SLC45A2: variants seen among roughly 807,000 people sequenced by gnomAD.
SLC45A2 encodes solute carrier family 45 member 2.
SLC45A2 carries 36 observed loss-of-function variants against 45.5 expected under a neutral mutation model. That is an observed-to-expected ratio of 0.79 (90% CI 0.61 to 1.04). The LOEUF is 1.04. SLC45A2 is among the 50% of genes least tolerant of loss of function. The pLI is 0.00. For synonymous variants in SLC45A2, 306 were observed against 269.3 expected (o/e 1.14, Z -1.33); for missense variants, 719 against 671.0 (o/e 1.07, Z -0.79).
chr5:33,969,444 AC>A (rs1752718274), intron 2 of SLC45A2, among the ~76,000 whole-genome samples: 1 of 152,038 alleles, frequency 6.6e-6, no homozygotes, highest in African/African-American at 2.4e-5. Flanking sequence ...GTTTCCATCC[AC>A]CTACCTCTAA....
chr5:33,983,935 AAATTT>A (rs1331852606), intron 1 of SLC45A2, among the ~76,000 whole-genome samples: 2 of 152,236 alleles, frequency 1.3e-5, no homozygotes, highest in Non-Finnish European at 2.9e-5. Flanking sequence ...AAATAGATAC[AAATTT>A]AATAAAATAG....
chr5:33,954,581 C>G, intron 3 of SLC45A2, 77 bp from the exon 4 acceptor site: 1 of 1,589,678 alleles, frequency 6.3e-7, no homozygotes, highest in African/African-American at 1.3e-5. Context: ...AACACACAGA[C>G]ATGTTATGTA....
rs995280124 is a variant in SLC45A2, at chr5:33,946,501, G to A, written c.1368+662C>T. ...TTGCAAATTTTGATAAGAAGAGGTGGTAATTTTAGAGTGGAAACACCAACT... is the reference window on the plus strand; with the variant it reads ...TTGCAAATTTTGATAAGAAGAGGTGATAATTTTAGAGTGGAAACACCAACT... On this transcript the variant is annotated intron_variant, in intron 6 of 6. Coordinates refer to ENST00000296589, the MANE Select transcript of SLC45A2 (RefSeq NM_016180.5). 7 of 985,600 alleles carry A rather than the reference G, an allele frequency of 7.1e-6. No homozygotes were observed. In the South Asian group the frequency reaches 3.3e-4, roughly 46 times the overall value. The allele number at this position is 985,600 out of a possible 1,614,324, so 61.1% of individuals were successfully genotyped here.
At chr5:33,977,205 C>T (rs1258628757) in intron 2 of SLC45A2, among the ~76,000 whole-genome samples, 1 of 152,178 alleles carries the variant, frequency 6.6e-6, no homozygotes, top group Admixed American at 6.5e-5. Context: ...AGAAACCAAC[C>T]CTGACAGCTT....
At chr5:33,983,306 A>G (rs1753135652) in intron 1 of SLC45A2, among the ~76,000 whole-genome samples, 1 of 152,240 alleles carries the variant, frequency 6.6e-6, no homozygotes, top group African/African-American at 2.4e-5. Flanking sequence ...TTTTAAACTT[A>G]AGAATAGCAT....
Position 33,984,682 on chromosome 5 carries a change from A to T in SLC45A2, c.-99T>A. 1.3e-6 allele frequency: 2 copies of T among 1,528,198 alleles called. No homozygotes were observed. The highest frequency in any genetic ancestry group is 1.8e-6 in the Non-Finnish European group (2 of 1,119,758). 94.7% of individuals were successfully genotyped at this position (1,528,198 alleles called of 1,614,324 possible). On this transcript the variant is annotated 5_prime_UTR_variant, in exon 1 of 7. The change creates a new upstream start codon in the 5' untranslated region. Transcript: ENST00000296589. ...ATTTGACGTGGAGCCTGGCCGAGCA[A>T]CCAACAGAGATGGTCAGGCTGGGGG...
At chr5:33,972,727 T>G (rs576736448) in intron 2 of SLC45A2, 1 of 152,444 alleles carries the variant, frequency 6.6e-6, no homozygotes, top group Admixed American at 6.5e-5. Context: ...TAAAAGTGTA[T>G]GAATAAAAAT....
chr5:33,954,691 G>A (rs1752225094), intron 3 of SLC45A2, among the ~76,000 whole-genome samples, 187 bp from the exon 4 acceptor site: 1 of 152,184 alleles, frequency 6.6e-6, no homozygotes, highest in Non-Finnish European at 1.5e-5. Context: ...AGCACGAGTG[G>A]CTGCTTGGCA....
At chr5:33,951,954 G>C (rs969669470) in intron 4 of SLC45A2, among the ~76,000 whole-genome samples, 1 of 151,972 alleles carries the variant, frequency 6.6e-6, no homozygotes, top group Non-Finnish European at 1.5e-5. Flanking sequence ...ACCTGACTTA[G>C]GAAATCCCAC....
At position 33,982,255 on chromosome 5, in the gene SLC45A2, GT is replaced by G; in HGVS notation, c.542del (p.His181ProfsTer20). On this transcript the variant is annotated frameshift_variant, in exon 2 of 7. Coordinates refer to ENST00000296589, the MANE Select transcript of SLC45A2 (RefSeq NM_016180.5). LOFTEE classifies it high-confidence loss of function. ...CCCTACCTGTGAAGAGGGCATGGTA[GT>G]GGAGGCCCTTCTCCTTGTCCTGATG... ...CSHQDKEKGL[H>X]YHALFTGFGG... is the part of the protein sequence containing the mutation. The G allele has an allele frequency of 6.2e-7, 1 of 1,614,082 alleles. No homozygotes were observed. Among genetic ancestry groups the G allele is most frequent in the Non-Finnish European group, 8.5e-7 (1 of 1,179,950 alleles).
chr5:33,965,219 A>G (rs1311719756), intron 2 of SLC45A2, among the ~76,000 whole-genome samples: 1 of 152,178 alleles, frequency 6.6e-6, no homozygotes, highest in African/African-American at 2.4e-5. Flanking sequence ...CAAGCTAGAG[A>G]ATCAAGGAAG....
At chr5:33,969,285 A>G (rs1047669798) in intron 2 of SLC45A2, among the ~76,000 whole-genome samples, 12 of 151,616 alleles carry the variant, frequency 7.9e-5, no homozygotes, top group African/African-American at 2.9e-4. Context: ...GAAAAAAAAA[A>G]TTTTAAATTA....
chr5:33,953,439 T>C (rs1474513043), intron 4 of SLC45A2, among the ~76,000 whole-genome samples: 4 of 151,486 alleles, frequency 2.6e-5, no homozygotes, highest in African/African-American at 7.3e-5. Context: ...ATTTCTCTGA[T>C]GGCCAGTGAT....
At position 33,944,657 on chromosome 5, in the gene SLC45A2, A is replaced by G. The variant is rs1751868442; in HGVS notation, c.1584T>C (p.Tyr528=). ...TTGTCTCTTTATTGACCTAATCCAC[A>G]TATCTAACAAAGAGAGCGACAAAGC... The part of the protein sequence containing the change: ...GCCFVALFVR[Y]VD The change falls in exon 7 of 7, where the codon TAT becomes TAC. Residue 528 remains tyrosine (Y), a synonymous_variant. Coordinates refer to ENST00000296589, the MANE Select transcript of SLC45A2 (RefSeq NM_016180.5). 2 of 1,614,102 alleles carry G rather than the reference A, an allele frequency of 1.2e-6. No individual in the cohort carries two copies. Among genetic ancestry groups the G allele is most frequent in the East Asian group, 4.5e-5 (2 of 44,882 alleles).
rs1350569256 is a variant in SLC45A2 at position 33,951,674 on chromosome 5, C to A, written c.1036G>T (p.Val346Leu). 13 of 1,614,080 alleles carry A rather than the reference C, an allele frequency of 8.1e-6. No individual in the cohort carries two copies. The highest frequency in any genetic ancestry group is 1.1e-5 in the Non-Finnish European group (13 of 1,180,038). ...LFFTDFMGQI[V>L]YRGDPYSAHN... ...GCACTATAGGGATCCCCGCGGTACA[C>A]AATCTGAAAGAGAGATTGGAGGCTG... Residue 346 changes from valine (V) to leucine (L), a missense_variant, in exon 5 of 7, where the codon GTG becomes TTG. Val to Leu is a conservative substitution (Grantham distance 32, BLOSUM62 1). Transcript: ENST00000296589.
intron 6 of SLC45A2, chr5:33,946,356 T>C (rs1392105704): frequency 1.0e-6 from 1 of 985,290 alleles, no homozygotes; most frequent in Non-Finnish European, 1.2e-6. Context: ...AGTCTGATGG[T>C]TATATGTTCA....
chr5:33,984,087 G>A (rs1172129947), intron 1 of SLC45A2, 112 bp downstream of exon 1: 1 of 1,486,620 alleles, frequency 6.7e-7, no homozygotes, highest in African/African-American at 1.4e-5. Flanking sequence ...ACCTAGGAGA[G>A]ATCAATTCTA....
chr5:33,982,889 C>T (rs1278714275), intron 1 of SLC45A2, among the ~76,000 whole-genome samples: 1 of 152,194 alleles, frequency 6.6e-6, no homozygotes, highest in Non-Finnish European at 1.5e-5. Context: ...AATCCCAGCC[C>T]CAGCAAAGGT....
At chr5:33,977,925 G>A (rs1035768115) in intron 2 of SLC45A2, among the ~76,000 whole-genome samples, 7 of 152,148 alleles carry the variant, frequency 4.6e-5, no homozygotes, top group African/African-American at 9.7e-5. Flanking sequence ...TCCTGATCAC[G>A]GCTGGCTTTT....
Sources: gnomAD v4.1 joint callset for allele counts (sites outside exome capture counted in the v4.1 genomes callset) on GRCh38, gnomAD v4.1.1 for gene constraint, MANE v1.5 for transcripts, NCBI Gene and HGNC (gene_info 2026-07-23, HGNC 2026-07-21) for gene names.